Variants in UBE2D1 observed in about 807,000 individuals in gnomAD.
The protein encoded by UBE2D1 is ubiquitin conjugating enzyme E2 D1.
In UBE2D1, 9 loss-of-function variants were observed where a neutral mutation model predicts 24.6. The ratio of observed to expected loss-of-function variants is 0.37; its 90% CI spans 0.22 to 0.64. The LOEUF is 0.64. UBE2D1 is among the 30% of genes least tolerant of loss of function. The pLI is 0.64. For missense variants in UBE2D1, 87 were observed against 177.1 expected, an observed-to-expected ratio of 0.49 and a Z score of 2.89; for synonymous variants, 57 against 57.6, an observed-to-expected ratio of 0.99 and a Z score of 0.04.
chr10:58,353,937 A>G (rs78427159), intron 1 of UBE2D1, among the ~76,000 whole-genome samples: 2 of 152,162 alleles, frequency 1.3e-5, no homozygotes, highest in Non-Finnish European at 2.9e-5. Context: ...AATAATACCA[A>G]ACACCTTATG....
intron 1 of UBE2D1, among the ~76,000 whole-genome samples, chr10:58,339,042 T>C (rs1170753045): frequency 6.6e-6 from 1 of 152,192 alleles, no homozygotes; most frequent in Non-Finnish European, 1.5e-5. Flanking sequence ...TATGTCAGTC[T>C]AGAAAACTTT....
intron 1 of UBE2D1, among the ~76,000 whole-genome samples, chr10:58,350,960 A>G (rs1840069510): frequency 6.6e-6 from 1 of 152,234 alleles, no homozygotes; most frequent in Admixed American, 6.5e-5. Context: ...ATTGTAACAC[A>G]GTGGGAAATA....
intron 3 of UBE2D1, among the ~76,000 whole-genome samples, chr10:58,361,984 T>C (rs1309259042): frequency 6.6e-6 from 1 of 152,160 alleles, no homozygotes; most frequent in East Asian, 1.9e-4. Context: ...CAATAAAATA[T>C]TACAATGGGT....
chr10:58,358,588 C>T (rs1840158057), intron 1 of UBE2D1, among the ~76,000 whole-genome samples: 2 of 152,088 alleles, frequency 1.3e-5, no homozygotes, highest in African/African-American at 4.8e-5. Flanking sequence ...GTCATAGAAA[C>T]TGTGGATGGA....
At chr10:58,338,528 T>A (rs1347803333) in intron 1 of UBE2D1, among the ~76,000 whole-genome samples, 1 of 152,212 alleles carries the variant, frequency 6.6e-6, no homozygotes, top group Non-Finnish European at 1.5e-5. Flanking sequence ...TTCACCTAGG[T>A]ATCTATTTTC....
At chr10:58,336,023 A>G (rs1839900159) in intron 1 of UBE2D1, among the ~76,000 whole-genome samples, 1 of 152,240 alleles carries the variant, frequency 6.6e-6, no homozygotes, top group African/African-American at 2.4e-5. Flanking sequence ...ACATGGGTAT[A>G]GAATGAGGAA....
intron 1 of UBE2D1, among the ~76,000 whole-genome samples, chr10:58,336,923 C>A (rs932264818): frequency 4.6e-5 from 7 of 152,172 alleles, no homozygotes; most frequent in African/African-American, 1.7e-4. Context: ...GGATTACAGA[C>A]ACAAGTCACC....
intron 3 of UBE2D1, among the ~76,000 whole-genome samples, chr10:58,362,272 T>C (rs1291280291): frequency 6.6e-6 from 1 of 152,178 alleles, no homozygotes; most frequent in Non-Finnish European, 1.5e-5. Context: ...CATTCTCTTC[T>C]CCCTGCCCTG....
At chr10:58,338,864 A>T (rs1377101022) in intron 1 of UBE2D1, among the ~76,000 whole-genome samples, 1 of 152,216 alleles carries the variant, frequency 6.6e-6, no homozygotes, top group African/African-American at 2.4e-5. Flanking sequence ...TCAGAGAACT[A>T]TTCCTTAGTG....
At chr10:58,341,994 A>G (rs1448176332) in intron 1 of UBE2D1, among the ~76,000 whole-genome samples, 1 of 152,218 alleles carries the variant, frequency 6.6e-6, no homozygotes, top group African/African-American at 2.4e-5. Context: ...CCACCTTAGC[A>G]CATGTGTCTG....
rs1266319230 is a variant in UBE2D1, at chr10:58,369,763, TTGTC to T, written c.*999_*1002del. ...TTTAGGTTAGTATCTCTTTACTAAATTGTCAGTCTATAAGATAATATATGTTGAT... is the reference window on the plus strand; with the variant it reads ...TTTAGGTTAGTATCTCTTTACTAAATAGTCTATAAGATAATATATGTTGAT... On this transcript the variant is annotated 3_prime_UTR_variant, in exon 7 of 7. Transcript: ENST00000373910. 1.3e-5 allele frequency: 2 copies of T among 152,102 alleles called. No individual in the cohort carries two copies. Among genetic ancestry groups the T allele is most frequent in the African/African-American group, 4.8e-5 (2 of 41,450 alleles). The allele number at this position is 152,102 out of a possible 1,614,324, so 9.4% of individuals were successfully genotyped here. A position where few individuals can be genotyped will look rare whatever the true frequency, so the allele number is the denominator to read the frequency against.
chr10:58,340,083 T>C (rs1839946792), intron 1 of UBE2D1, among the ~76,000 whole-genome samples: 1 of 152,208 alleles, frequency 6.6e-6, no homozygotes, highest in Non-Finnish European at 1.5e-5. Context: ...AGATCAAATA[T>C]TGCTGACGAA....
In UBE2D1 at chr10:58,335,162, G is replaced by T; in HGVS notation, c.-40G>T. 6.5e-7 allele frequency: 1 copy of T among 1,537,504 alleles called. No homozygotes were observed. On this transcript the variant is annotated 5_prime_UTR_variant, in exon 1 of 7. Transcript: ENST00000373910. ...ACCCACGCCCCTGAGCCCCGCAGCC[G>T]ACCCCTGCCGGCCGGTGTCCCCACC...
chr10:58,341,373 C>A (rs980586415), intron 1 of UBE2D1, among the ~76,000 whole-genome samples: 1 of 152,126 alleles, frequency 6.6e-6, no homozygotes, highest in African/African-American at 2.4e-5. Flanking sequence ...AAATGGTTTT[C>A]CTTGAGATGA....
At chr10:58,358,118 C>A (rs1007385810) in intron 1 of UBE2D1, among the ~76,000 whole-genome samples, 1 of 152,026 alleles carries the variant, frequency 6.6e-6, no homozygotes, top group Non-Finnish European at 1.5e-5. Flanking sequence ...GCTGTTCCAA[C>A]TAAAATAAGG....
chr10:58,341,206 TA>T (rs1263578659), intron 1 of UBE2D1, among the ~76,000 whole-genome samples: 2 of 152,360 alleles, frequency 1.3e-5, no homozygotes, highest in East Asian at 3.9e-4. Flanking sequence ...GTGAAGTTTT[TA>T]TTTGAGATAA....
chr10:58,367,468 A>G (rs1038680461), intron 5 of UBE2D1, among the ~76,000 whole-genome samples: 1 of 152,298 alleles, frequency 6.6e-6, no homozygotes, highest in African/African-American at 2.4e-5. Context: ...AAACTACATT[A>G]AGTAAAGATT....
intron 1 of UBE2D1, among the ~76,000 whole-genome samples, chr10:58,340,910 G>A (rs1202009592): frequency 6.6e-6 from 1 of 152,170 alleles, no homozygotes; most frequent in African/African-American, 2.4e-5. Flanking sequence ...GGGTTTATGG[G>A]ATATAAGTGC....
At chr10:58,346,750 C>G (rs554108605) in intron 1 of UBE2D1, among the ~76,000 whole-genome samples, 4 of 152,058 alleles carry the variant, frequency 2.6e-5, no homozygotes, top group Non-Finnish European at 5.9e-5. Flanking sequence ...TGGAAAACAT[C>G]GAAGAGGTTT....
Sources: gnomAD v4.1 joint callset for allele counts (sites outside exome capture counted in the v4.1 genomes callset) on GRCh38, gnomAD v4.1.1 for gene constraint, MANE v1.5 for transcripts, NCBI Gene and HGNC (gene_info 2026-07-23, HGNC 2026-07-21) for gene names.